PCDHA4: variants seen among roughly 807,000 people sequenced by gnomAD.
PCDHA4 encodes the protein protocadherin alpha-4.
Under a neutral mutation model 61.4 loss-of-function variants are expected in PCDHA4, and 49 were observed. The observed-to-expected ratio is 0.80, with a 90% CI of 0.63 to 1.01. The LOEUF (loss-of-function observed/expected upper bound fraction) is 1.01, where lower values mean the gene tolerates loss of function less well. PCDHA4 is among the 50% of genes least tolerant of loss of function. The pLI, the probability that PCDHA4 is intolerant of heterozygous loss-of-function variation, is 0.00. For missense variants in PCDHA4, 1,254 were observed against 1,235.8 expected, an observed-to-expected ratio of 1.01 and a Z score of -0.22; for synonymous variants, 590 against 550.3, an observed-to-expected ratio of 1.07 and a Z score of -1.01.
intron 1 of PCDHA4, among the ~76,000 whole-genome samples, chr5:140,904,904 C>T (rs1463349424): frequency 6.6e-6 from 1 of 151,948 alleles, no homozygotes; most frequent in East Asian, 1.9e-4. Context: ...GTTTTTCTTA[C>T]TGATTTGTTT....
chr5:140,850,673 G>T (rs2150493281), intron 1 of PCDHA4: 2 of 1,598,494 alleles, frequency 1.3e-6, no homozygotes, highest in African/African-American at 2.7e-5. Context: ...GCTCGGCGAT[G>T]CCCACCGAGG....
At chr5:140,893,273 A>G (rs1381847994) in intron 1 of PCDHA4, among the ~76,000 whole-genome samples, 1 of 152,150 alleles carries the variant, frequency 6.6e-6, no homozygotes, top group Non-Finnish European at 1.5e-5. Context: ...CAATAGTGGA[A>G]TTGCTGGATG....
chr5:140,982,623 C>T, intron 3 of PCDHA4, 60 bp downstream of exon 3: 1 of 1,583,652 alleles, frequency 6.3e-7, no homozygotes, highest in South Asian at 1.2e-5. Context: ...AGATGACCTA[C>T]TTTTGTAAGA....
At chr5:140,926,129 G>C (rs2082926412) in intron 1 of PCDHA4, among the ~76,000 whole-genome samples, 1 of 152,178 alleles carries the variant, frequency 6.6e-6, no homozygotes, top group African/African-American at 2.4e-5. Flanking sequence ...ACTTCAACCC[G>C]CAGCAGGATC....
chr5:140,868,968 C>G (rs782210353), intron 1 of PCDHA4: 16 of 1,446,356 alleles, frequency 1.1e-5, no homozygotes, highest in Middle Eastern at 2.0e-4. Flanking sequence ...TACAAAGGAA[C>G]TCCATCATAC....
chr5:140,988,097 C>T (rs2097282934), intron 3 of PCDHA4, among the ~76,000 whole-genome samples: 1 of 152,084 alleles, frequency 6.6e-6, no homozygotes, highest in Admixed American at 6.5e-5. Flanking sequence ...AGCCTCGGGC[C>T]TTGTTGGAGA....
intron 1 of PCDHA4, among the ~76,000 whole-genome samples, chr5:140,942,607 A>G (rs529680459): frequency 1.7e-5 from 2 of 116,438 alleles, no homozygotes; most frequent in East Asian, 2.5e-4. Context: ...TAGTGTTTAT[A>G]TTTGCCAATT....
At chr5:140,942,668 A>G (rs1047486718) in intron 1 of PCDHA4, among the ~76,000 whole-genome samples, 7 of 152,336 alleles carry the variant, frequency 4.6e-5, no homozygotes, top group Admixed American at 2.0e-4. Flanking sequence ...CAATAAGCAC[A>G]AAAGTTTTAG....
chr5:140,870,693 A>C, intron 1 of PCDHA4: 1 of 1,612,950 alleles, frequency 6.2e-7, no homozygotes, highest in Non-Finnish European at 8.5e-7. Context: ...TGGAGCTGCT[A>C]CAGTTCCAGG....
At chr5:140,897,009 A>G (rs550757061) in intron 1 of PCDHA4, among the ~76,000 whole-genome samples, 6 of 152,292 alleles carry the variant, frequency 3.9e-5, no homozygotes, top group African/African-American at 9.6e-5. Context: ...ATTTTTAAAT[A>G]TACAACTAAA....
At chr5:140,855,479 C>T (rs782343023) in intron 1 of PCDHA4, among the ~76,000 whole-genome samples, 3 of 149,758 alleles carry the variant, frequency 2.0e-5, no homozygotes, top group Non-Finnish European at 3.0e-5. Context: ...TGATGCTTGA[C>T]ATTAGTGTCT....
At chr5:140,999,001 C>T (rs1405051280) in intron 3 of PCDHA4, among the ~76,000 whole-genome samples, 3 of 152,214 alleles carry the variant, frequency 2.0e-5, no homozygotes, top group Non-Finnish European at 4.4e-5. Flanking sequence ...AATGCTGGAG[C>T]TGAGATTTGA....
chr5:140,928,547 A>T (rs782813761), intron 1 of PCDHA4: 5 of 1,614,206 alleles, frequency 3.1e-6, no homozygotes, highest in Middle Eastern at 3.3e-4. Context: ...AATGACAATT[A>T]TCCGGTTATC....
intron 3 of PCDHA4, among the ~76,000 whole-genome samples, chr5:140,984,425 A>G (rs1488284803): frequency 6.6e-6 from 1 of 152,174 alleles, no homozygotes; most frequent in Non-Finnish European, 1.5e-5. Context: ...GAGATAGAGA[A>G]GGGGATCTCC....
chr5:140,838,984 C>T (rs1232719148), intron 1 of PCDHA4, among the ~76,000 whole-genome samples: 1 of 151,886 alleles, frequency 6.6e-6, no homozygotes, highest in African/African-American at 2.4e-5. Flanking sequence ...TTTCACTGTT[C>T]CTAATATTCT....
At chr5:140,928,452 G>T in intron 1 of PCDHA4, 3 of 1,614,126 alleles carry the variant, frequency 1.9e-6, no homozygotes, top group Non-Finnish European at 2.5e-6. Flanking sequence ...AGCTCAGGGG[G>T]TTTCATTTCC....
intron 1 of PCDHA4, chr5:140,841,290 T>C (rs2150312636): frequency 6.4e-7 from 1 of 1,558,300 alleles, no homozygotes. Flanking sequence ...TATATTAAGA[T>C]AATATTTTCT....
chr5:140,961,549 T>C (rs782360372), intron 1 of PCDHA4, among the ~76,000 whole-genome samples: 3 of 152,220 alleles, frequency 2.0e-5, no homozygotes, highest in Non-Finnish European at 4.4e-5. Flanking sequence ...CTGCAGCATT[T>C]CTTTTTTTAA....
chr5:140,870,933 G>T, intron 1 of PCDHA4: 1 of 1,613,802 alleles, frequency 6.2e-7, no homozygotes, highest in Non-Finnish European at 8.5e-7. Flanking sequence ...CATATGAATT[G>T]CAGCCGGCGG....
Sources: allele counts gnomAD v4.1 joint callset (sites outside exome capture counted in the v4.1 genomes callset), GRCh38; gene constraint gnomAD v4.1.1; transcripts MANE v1.5; gene names NCBI Gene and HGNC (gene_info 2026-07-23, HGNC 2026-07-21).